PTPRN: variants seen among roughly 807,000 people sequenced by gnomAD.
PTPRN encodes the protein protein tyrosine phosphatase receptor type N, also known as receptor-type tyrosine-protein phosphatase-like N.
A neutral mutation model predicts 108.5 loss-of-function variants in PTPRN; 70 were observed. The observed-to-expected ratio is 0.65, with a 90% CI of 0.53 to 0.79. The LOEUF (loss-of-function observed/expected upper bound fraction) is 0.79. Ranked by LOEUF, PTPRN falls within the 30% of genes least tolerant of loss-of-function variation. PTPRN has a pLI of 0.00. For synonymous variants in PTPRN, 496 were observed against 524.6 expected (o/e 0.95, Z 0.75); for missense variants, 1,136 against 1,295.5 (o/e 0.88, Z 1.89).
At position 219,302,802 on chromosome 2, in the gene PTPRN, C is replaced by T. The variant is rs779763949; in HGVS notation, c.413G>A (p.Gly138Glu). ...GLAPKRPGPA[G>E]ELLLQDIPTG... is the part of the protein sequence containing the mutation. ...GGGGATGTCCTGTAAAAGCAGCTCT[C>T]CAGCAGGACCAGGTCTCTTGGGTGC... Residue 138 changes from glycine (G) to glutamate (E), a missense_variant, in exon 5 of 23, where the codon GGA becomes GAA. Transcript: ENST00000295718. The T allele has an allele frequency of 6.2e-7, 1 of 1,613,428 alleles. No homozygotes were observed. The highest frequency in any genetic ancestry group is 1.1e-5 in the South Asian group (1 of 91,046).
chr2:219,304,267 G>A (rs1432530020), intron 3 of PTPRN: 1 of 153,834 alleles, frequency 6.5e-6, no homozygotes, highest in African/African-American at 2.4e-5. Flanking sequence ...TGTTGACCCT[G>A]AACCTCAACT....
intron 19 of PTPRN, among the ~76,000 whole-genome samples, chr2:219,293,787 A>T (rs1952106542): frequency 6.6e-6 from 1 of 152,218 alleles, no homozygotes; most frequent in Non-Finnish European, 1.5e-5. Flanking sequence ...ACCTAGAGAC[A>T]TCAGGCCAGC....
chr2:219,299,560 G>T, intron 10 of PTPRN, 140 bp downstream of exon 10: 1 of 1,138,058 alleles, frequency 8.8e-7, no homozygotes, highest in Non-Finnish European at 1.3e-6. Context: ...GGCTGGGTGT[G>T]GCTGTACCTT....
rs779270857 is a variant in PTPRN at position 219,299,796 on chromosome 2, G to C, written c.1437-10C>G. On this transcript the variant is annotated splice_polypyrimidine_tract_variant and intron_variant, in intron 9 of 22. Coordinates refer to ENST00000295718, the MANE Select transcript of PTPRN (RefSeq NM_002846.4). ...AGCCAGGCTCAGGGGCCTGGAGATG[G>C]GAGAAGGCAGAGGAAGGAAAGTGGG... is the stretch of plus-strand genomic sequence containing the variant. 1.9e-6 allele frequency: 3 copies of C among 1,600,228 alleles called. No individual in the cohort carries two copies. Among genetic ancestry groups the C allele is most frequent in the Non-Finnish European group, 1.7e-6 (2 of 1,171,608 alleles).
chr2:219,298,945 G>A, intron 12 of PTPRN, 102 bp downstream of exon 12: 1 of 1,388,430 alleles, frequency 7.2e-7, no homozygotes, highest in South Asian at 1.2e-5. Flanking sequence ...CCGTGCCTAC[G>A]GACACGTTTC....
chr2:219,294,880 C>G, intron 19 of PTPRN, 95 bp downstream of exon 19: 1 of 1,283,486 alleles, frequency 7.8e-7, no homozygotes, highest in Non-Finnish European at 1.0e-6. Flanking sequence ...GGCCGAGGCT[C>G]CAGGCCCGAC....
chr2:219,293,204 G>T (rs867645118), intron 19 of PTPRN, among the ~76,000 whole-genome samples: 67 of 151,536 alleles, frequency 4.4e-4, no homozygotes, highest in African/African-American at 1.5e-3. Flanking sequence ...ATTTTGAGAG[G>T]GAGTCTGGCT....
In PTPRN at chr2:219,297,933, T is replaced by C. The variant is rs1370052274; in HGVS notation, c.1839A>G (p.Ala613=). The C allele has an allele frequency of 3.7e-6, 6 of 1,613,088 alleles. No homozygotes were observed. In the Admixed American group the frequency reaches 6.7e-5, roughly 18 times the overall value. Residue 613 remains alanine, a synonymous_variant, in exon 13 of 23, where the codon GCA becomes GCG. Transcript: ENST00000295718. This position sits in a 1 kb window ranked among gnomAD's most constrained non-coding sequence, Gnocchi z 6.0. ...HARQQDKERL[A]ALGPEGAHGD... ...CATGGGCCCCCTCAGGCCCCAGGGC[T>C]GCCAGGCGCTCCTTGTCTTGCTGCC...
chr2:219,307,325 A>G, intron 3 of PTPRN, 119 bp downstream of exon 3: 1 of 811,190 alleles, frequency 1.2e-6, no homozygotes, highest in East Asian at 2.6e-5. Flanking sequence ...CTAGCAAGAT[A>G]TGGGAAGGTG....
intron 19 of PTPRN, chr2:219,294,305 C>A: frequency 2.6e-6 from 1 of 391,050 alleles, no homozygotes; most frequent in Non-Finnish European, 5.3e-6. Flanking sequence ...GAGAAACTGG[C>A]AGACAGGGGA....
At position 219,290,619 on chromosome 2, in the gene PTPRN, T is replaced by A; in HGVS notation, c.2795-8A>T. On this transcript the variant is annotated splice_region_variant and splice_polypyrimidine_tract_variant and intron_variant, in intron 21 of 22. Coordinates refer to ENST00000295718, the MANE Select transcript of PTPRN (RefSeq NM_002846.4). This position sits in a 1 kb window ranked among gnomAD's most constrained non-coding sequence, Gnocchi z 4.2. ...TGTCAATCTCCTTCACTCCTGGAGA[T>A]GGAGGTGGGGATGGGGCTGCTCAGG... The A allele has an allele frequency of 6.4e-7, 1 of 1,551,346 alleles. No homozygotes were observed. The highest frequency in any genetic ancestry group is 8.7e-7 in the Non-Finnish European group (1 of 1,146,644).
At chr2:219,292,560 T>C (rs1952075750) in intron 19 of PTPRN, 1 of 152,194 alleles carries the variant, frequency 6.6e-6, no homozygotes, top group African/African-American at 2.4e-5. Context: ...GTCAGAGGGC[T>C]AGGGTAGAAG....
intron 3 of PTPRN, among the ~76,000 whole-genome samples, chr2:219,305,463 G>A (rs1385732975): frequency 3.9e-5 from 6 of 152,016 alleles, no homozygotes; most frequent in African/African-American, 1.2e-4. Context: ...GGCTGGTCTC[G>A]AACTCCTGAG....
intron 1 of PTPRN, among the ~76,000 whole-genome samples, chr2:219,308,521 C>A (rs1446377275): frequency 6.6e-6 from 1 of 152,222 alleles, no homozygotes; most frequent in Admixed American, 6.5e-5. Flanking sequence ...GGGCGCCAGG[C>A]GGCGAGGCTG....
In PTPRN at chr2:219,290,883, C is replaced by T. The variant is rs1952038278; in HGVS notation, c.2737G>A (p.Ala913Thr). ...CPIIVHCSDG[A>T]GRTGTYILID... is the part of the protein sequence containing the mutation. ...AGGATGTAGGTGCCGGTCCTCCCCG[C>T]ACCATCACTGAAACAGGAGTTAGTG... The change falls in exon 21 of 23, where the codon GCG (alanine) becomes ACG (threonine). Residue 913 changes from alanine to threonine, a missense_variant. Transcript: ENST00000295718. The surrounding 1 kb of genome is among the most constrained non-coding windows in gnomAD (Gnocchi z 4.2). 1 of 1,613,924 alleles carries T rather than the reference C, an allele frequency of 6.2e-7. No homozygotes were observed. Among genetic ancestry groups the T allele is most frequent in the Admixed American group, 1.7e-5 (1 of 60,016 alleles).
rs1481566475 is a variant in PTPRN, at chr2:219,297,206, C to A, written c.2088+27G>T. Reference sequence around the variant, plus strand: ...TCTCTCACCATCCCATTCCTTCACCCACTCTGGGCCCAGGCCCTGTCCTGA... The same window carrying A: ...TCTCTCACCATCCCATTCCTTCACCAACTCTGGGCCCAGGCCCTGTCCTGA... On this transcript the variant is annotated intron_variant, in intron 14 of 22. Transcript: ENST00000295718. The surrounding 1 kb of genome is among the most constrained non-coding windows in gnomAD (Gnocchi z 6.0). The A allele has an allele frequency of 6.2e-7, 1 of 1,610,824 alleles. No individual in the cohort carries two copies.
chr2:219,291,944 C>T (rs1952063465), intron 19 of PTPRN: 1 of 213,050 alleles, frequency 4.7e-6, no homozygotes, highest in African/African-American at 2.4e-5. Context: ...GATAATACAT[C>T]ATCATATTAA....
At position 219,302,446 on chromosome 2, in the gene PTPRN, T is replaced by C. The variant is rs1952376744; in HGVS notation, c.685A>G (p.Met229Val). ...TTGGGCAGGGGGCCGACACTGACCA[T>C]CCCTGGGGAGCCCTCTGAGACCCTG... is the stretch of plus-strand genomic sequence containing the variant. ...GSRVSEGSPG[M>V]VSVGPLPKAE... The change falls in exon 6 of 23, where the codon ATG (methionine) becomes GTG (valine). Residue 229 changes from methionine to valine, a missense_variant. Met to Val is a conservative substitution (Grantham distance 21, BLOSUM62 1). Coordinates refer to ENST00000295718, the MANE Select transcript of PTPRN (RefSeq NM_002846.4). 2 of 1,613,906 alleles carry C rather than the reference T, an allele frequency of 1.2e-6. No homozygotes were observed. Among genetic ancestry groups the C allele is most frequent in the East Asian group, 2.2e-5 (1 of 44,890 alleles).
chr2:219,295,390 T>G (rs1167889487), intron 18 of PTPRN: 1 of 492,078 alleles, frequency 2.0e-6, no homozygotes, highest in Non-Finnish European at 3.6e-6. Flanking sequence ...CTCCTCCCTC[T>G]TCCTCGCAGG....
Sources: gnomAD v4.1 joint callset for allele counts (sites outside exome capture counted in the v4.1 genomes callset) on GRCh38, gnomAD v4.1.1 for gene constraint, Gnocchi (gnomAD v3.1) non-coding constraint, MANE v1.5 for transcripts, NCBI Gene and HGNC (gene_info 2026-07-23, HGNC 2026-07-21) for gene names.